The following B3GALT1 variants were observed in gnomAD, a reference collection of about 807,000 sequenced individuals.
B3GALT1 encodes the protein beta-1,3-galactosyltransferase 1, also known as UDP-Gal:betaGlcNAc beta 1,3-galactosyltransferase, polypeptide 1.
Under a neutral mutation model 23.2 loss-of-function variants are expected in B3GALT1, and 10 were observed. The observed-to-expected ratio is 0.43, with a 90% CI of 0.27 to 0.73. The LOEUF is 0.73. Ranked by LOEUF, B3GALT1 falls within the 30% of genes least tolerant of loss-of-function variation. The pLI, the probability that B3GALT1 is intolerant of heterozygous loss-of-function variation, is 0.21. For synonymous variants in B3GALT1, 156 were observed against 141.5 expected (o/e 1.10, Z -0.73); for missense variants, 299 against 405.4 (o/e 0.74, Z 2.25).
rs529372499 is a variant in B3GALT1 at position 167,817,104 on chromosome 2, C to CA, written c.-351-1566dup. On this transcript the variant is annotated intron_variant, in intron 3 of 4. Coordinates refer to ENST00000392690, the MANE Select transcript of B3GALT1 (RefSeq NM_020981.4). ...AATTTGTCTTCAATTGAACAAATGA[C>CA]AAGGCACTGGAGAGGTAGGTTAAGC... 6.8e-4 allele frequency among the ~76,000 whole-genome samples: 104 copies of CA among 152,270 alleles called. 2 individuals are homozygous for CA. In the South Asian group the frequency reaches 0.015, roughly 22 times the overall value.
chr2:167,616,914 T>C lies in B3GALT1; in HGVS notation c.-409-29995T>C, dbSNP rs531838296. 7.2e-5 allele frequency among the ~76,000 whole-genome samples: 11 copies of C among 152,252 alleles called. No individual in the cohort carries two copies. In the South Asian group the frequency reaches 2.3e-3, roughly 32 times the overall value. On this transcript the variant is annotated intron_variant, in intron 2 of 4. Transcript: ENST00000392690. The stretch of plus-strand genomic sequence containing the variant: ...ATCTCCTCTATCTGAGAAGGTTATG[T>C]ATTGCTTAAAGCTTTGAAGCAGACA...
intron 3 of B3GALT1, among the ~76,000 whole-genome samples, chr2:167,740,268 A>T (rs1048535057): frequency 6.6e-6 from 1 of 152,184 alleles, no homozygotes. Context: ...GGTAGATGGT[A>T]CCTACCATCT....
chr2:167,770,757 G>A (rs929533403), intron 3 of B3GALT1, among the ~76,000 whole-genome samples: 22 of 152,020 alleles, frequency 1.4e-4, no homozygotes, highest in African/African-American at 5.3e-4. Flanking sequence ...TTTCATATCA[G>A]TGTCCTATTT....
At chr2:167,853,978 AG>A (rs1218627817) in intron 4 of B3GALT1, among the ~76,000 whole-genome samples, 2 of 152,162 alleles carry the variant, frequency 1.3e-5, no homozygotes, top group Non-Finnish European at 2.9e-5. Context: ...AAAGAGAAAT[AG>A]GGTTTTCAGA....
chr2:167,666,940 G>T (rs995519924), intron 3 of B3GALT1, among the ~76,000 whole-genome samples: 3 of 151,954 alleles, frequency 2.0e-5, no homozygotes, highest in Admixed American at 6.6e-5. Flanking sequence ...GGAGCATTTA[G>T]TCCATTTACA....
chr2:167,670,339 A>T (rs1010815413), intron 3 of B3GALT1, among the ~76,000 whole-genome samples: 1 of 152,214 alleles, frequency 6.6e-6, no homozygotes, highest in Non-Finnish European at 1.5e-5. Flanking sequence ...AGGAGAGTAG[A>T]GTAGGCACAC....
intron 1 of B3GALT1, among the ~76,000 whole-genome samples, chr2:167,351,291 A>C (rs1363306890): frequency 6.6e-6 from 1 of 151,412 alleles, no homozygotes; most frequent in Non-Finnish European, 1.5e-5. Context: ...AAACGAAAAC[A>C]AAAAAAACCA....
intron 1 of B3GALT1, among the ~76,000 whole-genome samples, chr2:167,349,418 T>C (rs956053747): frequency 3.9e-5 from 6 of 152,140 alleles, no homozygotes; most frequent in Admixed American, 3.3e-4. Context: ...GCAAGAATAG[T>C]GATGCTGGCA....
chr2:167,643,519 A>G (rs754062548), intron 2 of B3GALT1, among the ~76,000 whole-genome samples: 30 of 152,212 alleles, frequency 2.0e-4, no homozygotes, highest in Non-Finnish European at 2.6e-4. Context: ...TGGAGTAATC[A>G]TAGAAGACTT....
intron 3 of B3GALT1, chr2:167,714,243 G>A (rs1687108016): frequency 6.6e-5 from 99 of 1,502,168 alleles, no homozygotes; most frequent in Non-Finnish European, 8.9e-5. Context: ...TGTCCTGGTG[G>A]AGGAAACATC....
In B3GALT1 at chr2:167,729,252, A is replaced by G. The variant is rs115339889; in HGVS notation, c.-352+82286A>G. On this transcript the variant is annotated intron_variant, in intron 3 of 4. Coordinates refer to ENST00000392690, the MANE Select transcript of B3GALT1 (RefSeq NM_020981.4). ...ACTTGTTGAATGAGCAGGTGAGGAC[A>G]GGTGCTAACAAGAATGATGGAGGAT... 1.4e-3 allele frequency among the ~76,000 whole-genome samples: 210 copies of G among 152,362 alleles called. 1 individual carries two copies. Among genetic ancestry groups the G allele is most frequent in the African/African-American group, 4.8e-3 (201 of 41,598 alleles).
At chr2:167,735,157 C>T (rs1252262778) in intron 3 of B3GALT1, among the ~76,000 whole-genome samples, 1 of 152,148 alleles carries the variant, frequency 6.6e-6, no homozygotes. Flanking sequence ...CATTAAATCC[C>T]CCCTTCCAAT....
chr2:167,526,782 G>A (rs1378975272), intron 2 of B3GALT1, among the ~76,000 whole-genome samples: 1 of 152,078 alleles, frequency 6.6e-6, no homozygotes, highest in Non-Finnish European at 1.5e-5. Context: ...CTTACTAATT[G>A]TAAATTCAAT....
intron 1 of B3GALT1, among the ~76,000 whole-genome samples, chr2:167,352,169 A>G (rs1351586308): frequency 7.0e-6 from 1 of 141,908 alleles, no homozygotes; most frequent in African/African-American, 2.7e-5. Context: ...GGGTTTCCCC[A>G]TGTTGGCCAG....
chr2:167,852,691 C>T (rs1023487079), intron 4 of B3GALT1, among the ~76,000 whole-genome samples: 7 of 152,096 alleles, frequency 4.6e-5, no homozygotes, highest in Admixed American at 1.3e-4. Flanking sequence ...ACTGTATACT[C>T]AAAATATGAA....
At chr2:167,767,755 T>A (rs1464239952) in intron 3 of B3GALT1, among the ~76,000 whole-genome samples, 1 of 152,144 alleles carries the variant, frequency 6.6e-6, no homozygotes, top group Non-Finnish European at 1.5e-5. Context: ...GTGTGAAAAA[T>A]TGTTATAACA....
intron 3 of B3GALT1, among the ~76,000 whole-genome samples, chr2:167,657,517 C>T (rs966463495): frequency 2.6e-4 from 40 of 152,120 alleles, no homozygotes; most frequent in Admixed American, 1.4e-3. Context: ...CCATCTATTA[C>T]ATCTGCTTGT....
intron 3 of B3GALT1, among the ~76,000 whole-genome samples, chr2:167,780,904 T>C (rs909950863): frequency 7.9e-5 from 12 of 152,190 alleles, no homozygotes; most frequent in Non-Finnish European, 1.3e-4. Context: ...TCAATAGAGG[T>C]GGTAGTGTAC....
chr2:167,509,059 T>G (rs1699965204), intron 2 of B3GALT1, among the ~76,000 whole-genome samples: 1 of 152,196 alleles, frequency 6.6e-6, no homozygotes, highest in African/African-American at 2.4e-5. Context: ...GAAGGATGGA[T>G]GTCAATTAAC....
Sources: gnomAD v4.1 joint callset for allele counts (sites outside exome capture counted in the v4.1 genomes callset) on GRCh38, gnomAD v4.1.1 for gene constraint, MANE v1.5 for transcripts, NCBI Gene and HGNC (gene_info 2026-07-23, HGNC 2026-07-21) for gene names.